The following QTMAN variants were observed in gnomAD, a reference collection of about 807,000 sequenced individuals.
The protein encoded by QTMAN is queuosine-tRNA mannosyltransferase.
At chr2:144,249,922 C>A in the QTMAN span, among the ~76,000 whole-genome samples, 7 of 152,086 alleles carry the variant, frequency 4.6e-5, no homozygotes, top group Non-Finnish European at 1.0e-4. Context: ...AAAATACATT[C>A]TTAAGAATTC....
chr2:144,089,394 C>CA, the QTMAN span, among the ~76,000 whole-genome samples: 1 of 151,858 alleles, frequency 6.6e-6, no homozygotes, highest in African/African-American at 2.4e-5. Context: ...GGAGATTTCT[C>CA]AAAAAACTAA....
the QTMAN span, among the ~76,000 whole-genome samples, chr2:144,173,365 A>G: frequency 6.6e-6 from 1 of 152,248 alleles, no homozygotes; most frequent in Non-Finnish European, 1.5e-5. Flanking sequence ...ACATAAGATT[A>G]TATCACCTTG....
At chr2:144,255,648 A>G in the QTMAN span, among the ~76,000 whole-genome samples, 2 of 152,258 alleles carry the variant, frequency 1.3e-5, no homozygotes, top group African/African-American at 2.4e-5. Context: ...TGGAAAAGAT[A>G]AAAGTATACA....
the QTMAN span, among the ~76,000 whole-genome samples, chr2:144,070,898 G>A: frequency 1.3e-5 from 2 of 152,092 alleles, no homozygotes; most frequent in Admixed American, 1.3e-4. Flanking sequence ...CTGTATTAGT[G>A]AGTAAACCGT....
the QTMAN span, among the ~76,000 whole-genome samples, chr2:144,270,993 T>C: frequency 6.6e-6 from 1 of 152,210 alleles, no homozygotes; most frequent in Admixed American, 6.5e-5. Context: ...GGGGTTCACT[T>C]TCTCTAAGTA....
chr2:144,149,346 A>G, the QTMAN span, among the ~76,000 whole-genome samples: 1 of 151,982 alleles, frequency 6.6e-6, no homozygotes, highest in African/African-American at 2.4e-5. Flanking sequence ...TGAAGATGTT[A>G]TAAGGTTTTA....
chr2:144,257,559 T>C, the QTMAN span, among the ~76,000 whole-genome samples: 3 of 152,168 alleles, frequency 2.0e-5, no homozygotes, highest in African/African-American at 4.8e-5. Context: ...ACAGTGACCT[T>C]TACAGTACTA....
At chr2:144,234,773 C>T in the QTMAN span, among the ~76,000 whole-genome samples, 1 of 152,184 alleles carries the variant, frequency 6.6e-6, no homozygotes, top group Non-Finnish European at 1.5e-5. Flanking sequence ...ATCCCCTGCC[C>T]AGTTTTGTTC....
chr2:144,100,186 A>C, the QTMAN span, among the ~76,000 whole-genome samples: 2 of 152,200 alleles, frequency 1.3e-5, no homozygotes, highest in Admixed American at 6.5e-5. Context: ...GCTCTATAAA[A>C]CACAGCTAGT....
chr2:144,129,424 T>C, the QTMAN span, among the ~76,000 whole-genome samples: 1 of 151,946 alleles, frequency 6.6e-6, no homozygotes, highest in Non-Finnish European at 1.5e-5. Context: ...GGTGCTAAAA[T>C]GTTATTTCTT....
chr2:143,941,958 G>C, the QTMAN span: 1 of 153,250 alleles, frequency 6.5e-6, no homozygotes. Flanking sequence ...GTCACTATAT[G>C]TGCCTTAATT....
At chr2:144,109,941 T>G in the QTMAN span, among the ~76,000 whole-genome samples, 1 of 152,168 alleles carries the variant, frequency 6.6e-6, no homozygotes, top group Admixed American at 6.5e-5. Context: ...ACACTGTTGG[T>G]GGGACTGTAA....
the QTMAN span, among the ~76,000 whole-genome samples, chr2:144,171,874 C>T: frequency 3.9e-5 from 6 of 152,054 alleles, no homozygotes; most frequent in African/African-American, 1.4e-4. Flanking sequence ...AAAATACACA[C>T]ATGTACTTCA....
the QTMAN span, among the ~76,000 whole-genome samples, chr2:144,010,264 T>A: frequency 6.6e-6 from 1 of 152,064 alleles, no homozygotes; most frequent in Non-Finnish European, 1.5e-5. Flanking sequence ...GGAATTTAGC[T>A]GTGGGCAAGG....
chr2:144,201,502 G>A, the QTMAN span, among the ~76,000 whole-genome samples: 1 of 152,192 alleles, frequency 6.6e-6, no homozygotes, highest in African/African-American at 2.4e-5. Flanking sequence ...GGAAATCACG[G>A]ATGGCTTTCA....
the QTMAN span, among the ~76,000 whole-genome samples, chr2:144,249,612 T>G: frequency 6.6e-6 from 1 of 152,232 alleles, no homozygotes; most frequent in Non-Finnish European, 1.5e-5. Flanking sequence ...TACACTTTTA[T>G]TCTTCAAATT....
the QTMAN span, among the ~76,000 whole-genome samples, chr2:144,075,244 C>T: frequency 2.6e-5 from 4 of 152,030 alleles, no homozygotes; most frequent in East Asian, 3.9e-4. Flanking sequence ...TAGGAGAAAT[C>T]GAGAATAAGA....
chr2:144,322,069 G>A, the QTMAN span, among the ~76,000 whole-genome samples: 1 of 152,128 alleles, frequency 6.6e-6, no homozygotes, highest in Admixed American at 6.6e-5. Flanking sequence ...TGAATATTTG[G>A]AAAATGTCAC....
At chr2:144,162,370 C>T in the QTMAN span, among the ~76,000 whole-genome samples, 3 of 152,092 alleles carry the variant, frequency 2.0e-5, no homozygotes, top group Non-Finnish European at 4.4e-5. Context: ...TGGTTAAATT[C>T]AATGAATAAA....
Sources: allele counts gnomAD v4.1 joint callset (sites outside exome capture counted in the v4.1 genomes callset), GRCh38; gene constraint gnomAD v4.1.1; transcripts MANE v1.5; gene names NCBI Gene and HGNC (gene_info 2026-07-23, HGNC 2026-07-21).